Variants in PCDHGA6 observed in about 807,000 individuals in gnomAD.
PCDHGA6 encodes protocadherin gamma-A6.
A neutral mutation model predicts 60.6 loss-of-function variants in PCDHGA6; 41 were observed. The ratio of observed to expected loss-of-function variants is 0.68; its 90% CI spans 0.53 to 0.88. PCDHGA6 has a LOEUF of 0.88. Among genes scored for constraint, PCDHGA6 ranks in the 40% least tolerant of loss-of-function variants. The probability of loss-of-function intolerance (pLI) is 0.00; values close to 1 mark genes in which losing one functional copy is unlikely to be tolerated. For missense variants in PCDHGA6, 1,312 were observed against 1,203.0 expected (o/e 1.09, Z -1.34); for synonymous variants, 594 against 524.4 (o/e 1.13, Z -1.81).
At chr5:141,467,099 C>T (rs2099136810) in intron 1 of PCDHGA6, among the ~76,000 whole-genome samples, 1 of 149,976 alleles carries the variant, frequency 6.7e-6, no homozygotes, top group Admixed American at 6.7e-5. Context: ...GTCACACAGG[C>T]TGGAGTACAA....
chr5:141,432,271 C>T lies in PCDHGA6; in HGVS notation c.2424+55764C>T. On this transcript the variant is annotated intron_variant, in intron 1 of 3. Transcript: ENST00000517434. The surrounding 1 kb of genome is among the most constrained non-coding windows in gnomAD (Gnocchi z 6.0). ...TCCAAGGGGCAAGCCTATCGTCCTA[C>T]GTGTCCATCAACTCCGACACTGGGG... is the stretch of plus-strand genomic sequence containing the variant. The T allele has an allele frequency of 6.2e-7, 1 of 1,614,264 alleles. No individual in the cohort carries two copies. Among genetic ancestry groups the T allele is most frequent in the Non-Finnish European group, 8.5e-7 (1 of 1,180,050 alleles).
intron 1 of PCDHGA6, chr5:141,422,932 C>G: frequency 6.2e-7 from 1 of 1,614,252 alleles, no homozygotes; most frequent in Non-Finnish European, 8.5e-7. Context: ...CCCTGCCCTC[C>G]CCACAGACGG....
chr5:141,477,705 G>A lies in PCDHGA6; in HGVS notation c.2425-17102G>A, dbSNP rs1285254654. On this transcript the variant is annotated intron_variant, in intron 1 of 3. Coordinates refer to ENST00000517434, the MANE Select transcript of PCDHGA6 (RefSeq NM_018919.3). The surrounding 1 kb of genome is among the most constrained non-coding windows in gnomAD (Gnocchi z 4.9). ...TTAGTGCCCCTAGACTATGAGGATCGGCGGGAATTTGAATTAACAGCTCAT... is the reference window on the plus strand; with the variant it reads ...TTAGTGCCCCTAGACTATGAGGATCAGCGGGAATTTGAATTAACAGCTCAT... The A allele has an allele frequency of 6.2e-7, 1 of 1,614,008 alleles. No homozygotes were observed. Among genetic ancestry groups the A allele is most frequent in the Non-Finnish European group, 8.5e-7 (1 of 1,180,048 alleles).
intron 1 of PCDHGA6, chr5:141,384,552 C>T (rs752995629): frequency 3.7e-6 from 6 of 1,614,148 alleles, no homozygotes; most frequent in Admixed American, 3.3e-5. Flanking sequence ...TGAGCCTGTT[C>T]GTGCTGGACC....
intron 1 of PCDHGA6, among the ~76,000 whole-genome samples, chr5:141,454,353 A>G (rs2098787486): frequency 1.3e-5 from 2 of 152,238 alleles, no homozygotes; most frequent in Non-Finnish European, 2.9e-5. Context: ...AGTTGATCCA[A>G]ACTTAGAAAG....
intron 1 of PCDHGA6, chr5:141,422,899 G>A: frequency 2.5e-6 from 4 of 1,614,234 alleles, no homozygotes; most frequent in Non-Finnish European, 3.4e-6. Flanking sequence ...GGACCAGAAC[G>A]ACAATGCGCC....
intron 1 of PCDHGA6, among the ~76,000 whole-genome samples, chr5:141,448,169 A>C (rs1418273084): frequency 6.6e-6 from 1 of 152,014 alleles, no homozygotes; most frequent in Non-Finnish European, 1.5e-5. Flanking sequence ...GATCACTACT[A>C]TTCATCCCTG....
intron 1 of PCDHGA6, chr5:141,440,723 T>C (rs2098196558): frequency 6.6e-6 from 1 of 152,178 alleles, no homozygotes; most frequent in Non-Finnish European, 1.5e-5. Flanking sequence ...GTTGATCCTG[T>C]GTTAGAGAAG....
chr5:141,399,506 A>G, intron 1 of PCDHGA6: 1 of 1,613,982 alleles, frequency 6.2e-7, no homozygotes, highest in Non-Finnish European at 8.5e-7. Flanking sequence ...GTACCCGAAA[A>G]CAACCCTCCT....
intron 2 of PCDHGA6, 57 bp downstream of exon 2, chr5:141,494,922 C>G: frequency 6.2e-7 from 1 of 1,613,670 alleles, no homozygotes; most frequent in Admixed American, 1.7e-5. Context: ...TCAGGGATGA[C>G]GTGGGAGGAG....
chr5:141,424,692 T>C (rs910540428), intron 1 of PCDHGA6: 2 of 152,004 alleles, frequency 1.3e-5, no homozygotes, highest in African/African-American at 4.8e-5. Context: ...CTTCTGGCTA[T>C]TTTTTTGTTC....
At chr5:141,404,516 T>G (rs968433488) in intron 1 of PCDHGA6, 1 of 1,613,754 alleles carries the variant, frequency 6.2e-7, no homozygotes, top group African/African-American at 1.3e-5. Flanking sequence ...CTCCTTTGAC[T>G]ATGAGCAGTT....
chr5:141,424,018 CACAA>C (rs909442976), intron 1 of PCDHGA6: 3 of 1,051,682 alleles, frequency 2.9e-6, no homozygotes, highest in South Asian at 4.6e-5. Context: ...ATTAATGATT[CACAA>C]ACACTTTTTA....
rs1312182657 is a variant in PCDHGA6 at position 141,406,777 on chromosome 5, CTT to C, written c.2424+30271_2424+30272del. Among the ~76,000 whole-genome samples the C allele has an allele frequency of 2.0e-5, 3 of 152,268 alleles. No individual in the cohort carries two copies. The East Asian group carries it at 5.8e-4, about 29-fold the overall frequency. On this transcript the variant is annotated intron_variant, in intron 1 of 3. Coordinates refer to ENST00000517434, the MANE Select transcript of PCDHGA6 (RefSeq NM_018919.3). ...CAAGGAATTAAAAATATTTCTCTCA[CTT>C]ATATATTATTTCTGGCTCAATTCTC...
chr5:141,510,813 C>G, intron 3 of PCDHGA6, 134 bp from the exon 4 acceptor site: 2 of 1,537,024 alleles, frequency 1.3e-6, no homozygotes, highest in Non-Finnish European at 1.8e-6. Context: ...CTTGGTGACC[C>G]CTATATTCCC....
chr5:141,410,849 CTTT>C (rs759346998), intron 1 of PCDHGA6: 1,556 of 136,944 alleles, frequency 0.011, no homozygotes, highest in South Asian at 0.02. Flanking sequence ...TTGTCTTTGT[CTTT>C]TTTTTTTTTT....
In PCDHGA6 at chr5:141,383,574, C is replaced by T. The variant is rs1338805390; in HGVS notation, c.2424+7067C>T. The stretch of plus-strand genomic sequence containing the variant: ...GCGGCGACCCGCCCCGATCCAGCAC[C>T]GCCCACATCCAGGTGACAGTGGTGG... On this transcript the variant is annotated intron_variant, in intron 1 of 3. Transcript: ENST00000517434. The T allele has an allele frequency of 3.7e-6, 6 of 1,613,366 alleles. No homozygotes were observed. In the South Asian group the frequency reaches 5.5e-5, roughly 15 times the overall value.
At chr5:141,452,792 A>AT (rs745523252) in intron 1 of PCDHGA6, among the ~76,000 whole-genome samples, 15 of 152,178 alleles carry the variant, frequency 9.9e-5, no homozygotes, top group Admixed American at 2.0e-4. Context: ...ACATACCATC[A>AT]TTTTTGCTGT....
intron 1 of PCDHGA6, among the ~76,000 whole-genome samples, chr5:141,457,938 G>A (rs915640623): frequency 6.6e-6 from 1 of 152,160 alleles, no homozygotes; most frequent in African/African-American, 2.4e-5. Flanking sequence ...GCTTTTATTG[G>A]CTCTGCATGT....
Sources: gnomAD v4.1 joint callset for allele counts (sites outside exome capture counted in the v4.1 genomes callset) on GRCh38, gnomAD v4.1.1 for gene constraint, Gnocchi (gnomAD v3.1) non-coding constraint, MANE v1.5 for transcripts, NCBI Gene and HGNC (gene_info 2026-07-23, HGNC 2026-07-21) for gene names.